OGA: variants seen among roughly 807,000 people sequenced by gnomAD.
The protein encoded by OGA is protein O-GlcNAcase.
Under a neutral mutation model 102.0 loss-of-function variants are expected in OGA, and 21 were observed. The ratio of observed to expected loss-of-function variants is 0.21; its 90% CI spans 0.15 to 0.30. The LOEUF (loss-of-function observed/expected upper bound fraction) is 0.30. Among genes scored for constraint, OGA ranks in the 10% least tolerant of loss-of-function variants. The pLI, the probability that OGA is intolerant of heterozygous loss-of-function variation, is 1.00. For missense variants in OGA, 765 were observed against 1,107.8 expected (o/e 0.69, Z 4.39); for synonymous variants, 408 against 378.2 (o/e 1.08, Z -0.91).
chr10:101,796,125 T>TTTAGAA (rs1203729735), intron 10 of OGA, among the ~76,000 whole-genome samples: 5 of 152,188 alleles, frequency 3.3e-5, no homozygotes, highest in Non-Finnish European at 5.9e-5. Flanking sequence ...CTTAGAAACT[T>TTTAGAA]AAGTTTAAAT....
At chr10:101,807,541 A>C (rs1254222648) in intron 5 of OGA, among the ~76,000 whole-genome samples, 189 bp downstream of exon 5, 1 of 152,218 alleles carries the variant, frequency 6.6e-6, no homozygotes. Flanking sequence ...TCTTTTGCCT[A>C]GTCAGTTGTC....
rs562492511 is a variant in OGA, at chr10:101,792,682, A to C, written c.2175+157T>G. 26 of 561,084 alleles carry C rather than the reference A, an allele frequency of 4.6e-5. No homozygotes were observed. The South Asian group carries it at 6.4e-4, about 14-fold the overall frequency. The allele number at this position is 561,084 out of a possible 1,614,324, so 34.8% of individuals were successfully genotyped here. Reference sequence around the variant, plus strand: ...AAGATGTTAAAAGTCTAAACTCCTTAAATTTCTCAAGATACACTGAATGTT... The same window carrying C: ...AAGATGTTAAAAGTCTAAACTCCTTCAATTTCTCAAGATACACTGAATGTT... On this transcript the variant is annotated intron_variant, in intron 12 of 15. Transcript: ENST00000361464.
intron 7 of OGA, among the ~76,000 whole-genome samples, chr10:101,803,294 A>G (rs1443641301): frequency 6.6e-6 from 1 of 152,102 alleles, no homozygotes; most frequent in Non-Finnish European, 1.5e-5. Flanking sequence ...GAGATAATGG[A>G]AACACTTAAA....
chr10:101,817,280 G>GGAAAGAGGGCAAT (rs2065643626), intron 1 of OGA, among the ~76,000 whole-genome samples: 1 of 152,172 alleles, frequency 6.6e-6, no homozygotes, highest in African/African-American at 2.4e-5. Flanking sequence ...ACAGTAGCTG[G>GGAAAGAGGGCAAT]GAAAGAGGGC....
intron 7 of OGA, among the ~76,000 whole-genome samples, chr10:101,802,468 G>A (rs2065405847): frequency 6.6e-6 from 1 of 152,192 alleles, no homozygotes. Context: ...GAGGTCAGGA[G>A]TTCAAGACCA....
rs779616603 is a variant in OGA at position 101,817,811 on chromosome 10, G to A, written c.199+13C>T. On this transcript the variant is annotated intron_variant, in intron 1 of 15. Transcript: ENST00000361464. ...TGTTAGTGCCAAAACGGGGAGGGAAGGAGGGCGCTCACCTTCCACCACACC... is the reference window on the plus strand; with the variant it reads ...TGTTAGTGCCAAAACGGGGAGGGAAAGAGGGCGCTCACCTTCCACCACACC... 108 of 1,536,432 alleles carry A rather than the reference G, an allele frequency of 7.0e-5. No homozygotes were observed. Among genetic ancestry groups the A allele is most frequent in the Admixed American group, 1.8e-4 (9 of 50,928 alleles).
chr10:101,795,923 T>C (rs1451808544), intron 10 of OGA: 38 of 982,288 alleles, frequency 3.9e-5, no homozygotes, highest in Non-Finnish European at 4.6e-5. Flanking sequence ...GAGGTATCTA[T>C]ATAATTTTGG....
Position 101,818,387 on chromosome 10 carries a change from C to A in OGA, c.-365G>T. The stretch of plus-strand genomic sequence containing the variant: ...TCTTAGGTCTTCCGCTGTTTCCCCT[C>A]CAAGCCCCGAGCTCTCCCTCTGCTG... On this transcript the variant is annotated 5_prime_UTR_variant, in exon 1 of 16. Coordinates refer to ENST00000361464, the MANE Select transcript of OGA (RefSeq NM_012215.5). 3 of 1,039,396 alleles carry A rather than the reference C, an allele frequency of 2.9e-6. No individual in the cohort carries two copies. The highest frequency in any genetic ancestry group is 3.9e-5 in the South Asian group (1 of 25,758). The allele number at this position is 1,039,396 out of a possible 1,614,324, so 64.4% of individuals were successfully genotyped here. A position where few individuals can be genotyped will look rare whatever the true frequency, so the allele number is the denominator to read the frequency against.
chr10:101,812,654 A>G (rs560049893), intron 3 of OGA, among the ~76,000 whole-genome samples: 1 of 152,312 alleles, frequency 6.6e-6, no homozygotes, highest in South Asian at 2.1e-4. Context: ...TATGTTGATT[A>G]CTTTTTGGGG....
chr10:101,786,573 A>G lies in OGA; in HGVS notation c.2629T>C (p.Phe877Leu). The part of the protein sequence containing the change: ...SLKANGSRGA[F>L]CEVRPDDKRI... ...TTATCATCTGGTCTCACTTCACAGA[A>G]AGCTCCCCGGGAGCCTAGAAATAAA... The change falls in exon 16 of 16, where the codon TTC becomes CTC. Residue 877 changes from phenylalanine (F) to leucine (L), a missense_variant. Transcript: ENST00000361464. The G allele has an allele frequency of 6.2e-7, 1 of 1,604,436 alleles. No homozygotes were observed. The highest frequency in any genetic ancestry group is 8.5e-7 in the Non-Finnish European group (1 of 1,176,260).
chr10:101,786,661 C>A, intron 15 of OGA, 74 bp from the exon 16 acceptor site: 3 of 1,212,222 alleles, frequency 2.5e-6, no homozygotes, highest in Non-Finnish European at 2.2e-6. Context: ...AAACTATAAT[C>A]TTCGAGATGG....
At chr10:101,797,576 T>C (rs949912993) in intron 10 of OGA, 2 of 267,686 alleles carry the variant, frequency 7.5e-6, no homozygotes, top group Non-Finnish European at 7.0e-6. Context: ...ATTTCAGCAA[T>C]TGTTCTGTTA....
chr10:101,798,933 G>T lies in OGA; in HGVS notation c.1718C>A (p.Pro573His), dbSNP rs145458433. ...DLFYLPYEHGPKGAQMLREFQ... is the reference protein window; with the variant it reads ...DLFYLPYEHGHKGAQMLREFQ... ...TTCCCGTAACATCTGTGCTCCTTTG[G>T]GTCCATGCTCGTAAGGAAGGTAGAA... The change falls in exon 9 of 16, where the codon CCC becomes CAC. Residue 573 changes from proline to histidine, a missense_variant. Physicochemically the swap from Pro to His is moderately conservative, Grantham distance 77. This residue lies in a region of OGA where 281 missense variants were observed against 345.8 expected (regional missense o/e 0.81). Coordinates refer to ENST00000361464, the MANE Select transcript of OGA (RefSeq NM_012215.5). The T allele has an allele frequency of 1.9e-6, 3 of 1,613,884 alleles. No homozygotes were observed. In the African/African-American group the frequency reaches 4.0e-5, roughly 22 times the overall value.
chr10:101,794,368 C>T (rs2065292276), intron 10 of OGA, among the ~76,000 whole-genome samples: 1 of 152,096 alleles, frequency 6.6e-6, no homozygotes, highest in Admixed American at 6.5e-5. Flanking sequence ...TAATTAGACA[C>T]TTTATTATCA....
intron 15 of OGA, among the ~76,000 whole-genome samples, chr10:101,786,999 G>A (rs567598408): frequency 3.3e-5 from 5 of 151,560 alleles, no homozygotes; most frequent in Middle Eastern, 3.5e-3. Context: ...CGCCCACTTC[G>A]GCCTCCCAAA....
Position 101,792,826 on chromosome 10 carries a change from G to A in OGA, c.2175+13C>T. On this transcript the variant is annotated intron_variant, in intron 12 of 15. Coordinates refer to ENST00000361464, the MANE Select transcript of OGA (RefSeq NM_012215.5). ...TACCCATACACCAAGTTGGTAGGTA[G>A]AGAGACAATTACCTCATCCTTAGGA... 6.4e-7 allele frequency: 1 copy of A among 1,553,562 alleles called. No individual in the cohort carries two copies. Among genetic ancestry groups the A allele is most frequent in the Non-Finnish European group, 8.9e-7 (1 of 1,124,962 alleles).
chr10:101,809,606 G>T (rs542016951), intron 4 of OGA, among the ~76,000 whole-genome samples: 2 of 150,918 alleles, frequency 1.3e-5, no homozygotes, highest in Non-Finnish European at 2.9e-5. Context: ...AGCTACTCAG[G>T]AGGCTGAGGC....
intron 3 of OGA, among the ~76,000 whole-genome samples, chr10:101,811,696 AAAAAAG>A (rs1210135938): frequency 2.0e-5 from 3 of 152,158 alleles, no homozygotes; most frequent in Non-Finnish European, 4.4e-5. Flanking sequence ...GCTGTCTCCA[AAAAAAG>A]AAAAAGAAAA....
chr10:101,804,267 G>T (rs536187703), intron 6 of OGA, among the ~76,000 whole-genome samples: 1 of 147,620 alleles, frequency 6.8e-6, no homozygotes, highest in South Asian at 2.2e-4. Context: ...TTTTCCTTAC[G>T]TGTACTTTTT....
Sources: gnomAD v4.1 joint callset for allele counts (sites outside exome capture counted in the v4.1 genomes callset) on GRCh38, gnomAD v4.1.1 for gene constraint, gnomAD v4.1.1 regional missense constraint, MANE v1.5 for transcripts, NCBI Gene and HGNC (gene_info 2026-07-23, HGNC 2026-07-21) for gene names.